PDSS2: variants seen among roughly 807,000 people sequenced by gnomAD.
PDSS2 encodes the protein all trans-polyprenyl-diphosphate synthase PDSS2.
Under a neutral mutation model 44.5 loss-of-function variants are expected in PDSS2, and 31 were observed. The observed-to-expected ratio is 0.70, with a 90% CI of 0.52 to 0.94. The LOEUF (loss-of-function observed/expected upper bound fraction) is 0.94. Among genes scored for constraint, PDSS2 ranks in the 40% least tolerant of loss-of-function variants. The pLI is 0.00. For missense variants in PDSS2, 452 were observed against 482.2 expected (o/e 0.94, Z 0.59); for synonymous variants, 157 against 180.3 (o/e 0.87, Z 1.03).
chr6:107,177,234 G>T (rs1582741675), intron 7 of PDSS2, among the ~76,000 whole-genome samples: 1 of 150,782 alleles, frequency 6.6e-6, no homozygotes, highest in Admixed American at 6.6e-5. Context: ...GGGTTCAAGT[G>T]ATTCTTGTGC....
chr6:107,311,273 G>C (rs1022385885), intron 2 of PDSS2, among the ~76,000 whole-genome samples: 1 of 147,048 alleles, frequency 6.8e-6, no homozygotes, highest in East Asian at 2.0e-4. Context: ...ATGGCTCACT[G>C]CAGCCTTGAT....
At chr6:107,444,143 T>C (rs1781594191) in intron 1 of PDSS2, among the ~76,000 whole-genome samples, 1 of 152,090 alleles carries the variant, frequency 6.6e-6, no homozygotes, top group African/African-American at 2.4e-5. Context: ...TCCTCTCTCT[T>C]CAGCCTTCCA....
chr6:107,347,941 G>A (rs1199142351), intron 1 of PDSS2, among the ~76,000 whole-genome samples: 1 of 152,042 alleles, frequency 6.6e-6, no homozygotes. Flanking sequence ...GGTCATCACC[G>A]GACTTCATCT....
At chr6:107,395,879 G>A (rs1779925453) in intron 1 of PDSS2, among the ~76,000 whole-genome samples, 1 of 152,118 alleles carries the variant, frequency 6.6e-6, no homozygotes, top group African/African-American at 2.4e-5. Context: ...TGTTTAAAGA[G>A]GATTGATCTT....
chr6:107,202,832 G>A (rs1012217222), intron 6 of PDSS2, among the ~76,000 whole-genome samples: 13 of 151,886 alleles, frequency 8.6e-5, no homozygotes, highest in African/African-American at 2.4e-4. Context: ...AACAGCAGAT[G>A]TAGAAGGCTA....
chr6:107,294,256 A>G (rs1401094221), intron 2 of PDSS2, among the ~76,000 whole-genome samples: 1 of 152,176 alleles, frequency 6.6e-6, no homozygotes, highest in Non-Finnish European at 1.5e-5. Context: ...GGCATAGTCT[A>G]TACAGTGAGA....
intron 1 of PDSS2, among the ~76,000 whole-genome samples, chr6:107,417,778 TACACACACAC>T (rs59602150): frequency 0.012 from 1,824 of 146,910 alleles, 38 homozygotes; most frequent in East Asian, 0.088. Flanking sequence ...TTAATAATAA[TACACACACAC>T]ACACACACAC....
At position 107,434,379 on chromosome 6, in the gene PDSS2, T is replaced by G. The variant is rs929300845; in HGVS notation, c.296+24611A>C. The stretch of plus-strand genomic sequence containing the variant: ...AAGTGTCCATGAACAGATGAGTGCA[T>G]AAAGCAAATGTGGTACATATACACA... On this transcript the variant is annotated intron_variant, in intron 1 of 7. Coordinates refer to ENST00000369037, the MANE Select transcript of PDSS2 (RefSeq NM_020381.4). Among the ~76,000 whole-genome samples, 10 of 152,162 alleles carry G rather than the reference T, an allele frequency of 6.6e-5. No homozygotes were observed. In the East Asian group the frequency reaches 7.7e-4, roughly 12 times the overall value.
intron 1 of PDSS2, among the ~76,000 whole-genome samples, chr6:107,405,498 A>G (rs1241932441): frequency 6.6e-6 from 1 of 152,092 alleles, no homozygotes; most frequent in African/African-American, 2.4e-5. Context: ...ATGACAGGAA[A>G]AAAAACTCAC....
At chr6:107,293,775 C>T (rs1354709755) in intron 2 of PDSS2, among the ~76,000 whole-genome samples, 2 of 152,048 alleles carry the variant, frequency 1.3e-5, no homozygotes, top group Non-Finnish European at 2.9e-5. Flanking sequence ...ATTTGGTGAA[C>T]TGGAGTGGGC....
At chr6:107,422,772 G>C (rs1311354052) in intron 1 of PDSS2, among the ~76,000 whole-genome samples, 1 of 151,966 alleles carries the variant, frequency 6.6e-6, no homozygotes, top group Non-Finnish European at 1.5e-5. Flanking sequence ...AGGTATCTCT[G>C]AGTAATTAAG....
At chr6:107,210,911 G>A (rs1009677686) in intron 5 of PDSS2, among the ~76,000 whole-genome samples, 2 of 151,064 alleles carry the variant, frequency 1.3e-5, no homozygotes, top group Non-Finnish European at 2.9e-5. Flanking sequence ...CAGGAGAATC[G>A]CTTGAACCTG....
At chr6:107,250,491 C>G (rs1035170908) in intron 3 of PDSS2, among the ~76,000 whole-genome samples, 1 of 152,012 alleles carries the variant, frequency 6.6e-6, no homozygotes, top group African/African-American at 2.4e-5. Flanking sequence ...CACTATTTCC[C>G]TCTTTTTATT....
At chr6:107,307,201 T>C (rs1446446603) in intron 2 of PDSS2, among the ~76,000 whole-genome samples, 4 of 152,228 alleles carry the variant, frequency 2.6e-5, no homozygotes, top group African/African-American at 9.6e-5. Flanking sequence ...AACCTCATAT[T>C]TTCTGAGCAC....
intron 1 of PDSS2, among the ~76,000 whole-genome samples, chr6:107,349,832 C>T (rs1778378055): frequency 6.6e-6 from 1 of 152,206 alleles, no homozygotes; most frequent in African/African-American, 2.4e-5. Context: ...AACGGGAATA[C>T]ATTACTACCA....
At chr6:107,295,845 GA>G (rs147534844) in intron 2 of PDSS2, among the ~76,000 whole-genome samples, 15 of 151,562 alleles carry the variant, frequency 9.9e-5, no homozygotes, top group South Asian at 4.2e-4. Flanking sequence ...TTTTTTTAGA[GA>G]AAAAAAATGA....
At chr6:107,323,400 T>G (rs771746248) in intron 2 of PDSS2, among the ~76,000 whole-genome samples, 1 of 152,194 alleles carries the variant, frequency 6.6e-6, no homozygotes, top group Non-Finnish European at 1.5e-5. Flanking sequence ...GACCACAGGA[T>G]AGTTGAACCT....
chr6:107,383,342 T>A (rs1016067483), intron 1 of PDSS2, among the ~76,000 whole-genome samples: 2 of 131,820 alleles, frequency 1.5e-5, no homozygotes, highest in African/African-American at 5.7e-5. Flanking sequence ...TCAAAATAGA[T>A]CATAGATCTA....
chr6:107,399,422 C>T (rs944227562), intron 1 of PDSS2, among the ~76,000 whole-genome samples: 1 of 152,202 alleles, frequency 6.6e-6, no homozygotes, highest in East Asian at 1.9e-4. Flanking sequence ...GCATCTTCTT[C>T]ACAGTCCTGA....
Sources: gnomAD v4.1 joint callset for allele counts (sites outside exome capture counted in the v4.1 genomes callset) on GRCh38, gnomAD v4.1.1 for gene constraint, MANE v1.5 for transcripts, NCBI Gene and HGNC (gene_info 2026-07-23, HGNC 2026-07-21) for gene names.